EHMT1: variants seen among roughly 807,000 people sequenced by gnomAD.
EHMT1 encodes the protein euchromatic histone lysine methyltransferase 1.
In EHMT1, 15 loss-of-function variants were observed where a neutral mutation model predicts 147.2. The ratio of observed to expected loss-of-function variants is 0.10; its 90% CI spans 0.07 to 0.16. The LOEUF (loss-of-function observed/expected upper bound fraction) is 0.16. Ranked by LOEUF, EHMT1 falls within the 10% of genes least tolerant of loss-of-function variation. The pLI is 1.00. For synonymous variants in EHMT1, 795 were observed against 709.6 expected, an observed-to-expected ratio of 1.12 and a Z score of -1.91; for missense variants, 1,587 against 1,772.4, an observed-to-expected ratio of 0.90 and a Z score of 1.88.
intron 18 of EHMT1, chr9:137,802,718 C>G (rs113761469): frequency 1.4e-5 from 13 of 937,778 alleles, no homozygotes; most frequent in Non-Finnish European, 1.8e-5. Flanking sequence ...CACCCGCTGC[C>G]TCCCTGCAGG....
intron 18 of EHMT1, among the ~76,000 whole-genome samples, chr9:137,806,727 C>T (rs1381760479): frequency 6.6e-6 from 1 of 152,228 alleles, no homozygotes; most frequent in African/African-American, 2.4e-5. Flanking sequence ...GCCCCTGTGC[C>T]CAGCCCTCTT....
intron 1 of EHMT1, among the ~76,000 whole-genome samples, chr9:137,669,321 G>A (rs1261061046): frequency 3.8e-5 from 5 of 132,816 alleles, no homozygotes; most frequent in Non-Finnish European, 7.8e-5. Context: ...CTGGAAAGAC[G>A]CCCCCACAGC....
At chr9:137,809,935 G>A (rs1446162097) in intron 18 of EHMT1, among the ~76,000 whole-genome samples, 3 of 130,286 alleles carry the variant, frequency 2.3e-5, no homozygotes, top group South Asian at 4.4e-4. Context: ...TGATGGGTCC[G>A]GAGGTGGTTC....
intron 18 of EHMT1, among the ~76,000 whole-genome samples, chr9:137,804,018 TAACA>T (rs1180267818): frequency 1.3e-5 from 2 of 152,052 alleles, no homozygotes; most frequent in Non-Finnish European, 2.9e-5. Flanking sequence ...TCGGGAAACT[TAACA>T]ATCATGGCAG....
intron 1 of EHMT1, among the ~76,000 whole-genome samples, chr9:137,708,911 C>T (rs555071580): frequency 1.3e-5 from 2 of 152,362 alleles, no homozygotes; most frequent in South Asian, 4.1e-4. Context: ...TTCCACGCAG[C>T]CACTGTGCCT....
chr9:137,639,523 C>T (rs1328038960), intron 1 of EHMT1, among the ~76,000 whole-genome samples: 1 of 152,186 alleles, frequency 6.6e-6, no homozygotes, highest in Non-Finnish European at 1.5e-5. Context: ...GTTGTTACAT[C>T]TGCCTGGGTG....
intron 1 of EHMT1, among the ~76,000 whole-genome samples, chr9:137,700,907 G>A (rs1014314631): frequency 4.6e-5 from 7 of 152,192 alleles, no homozygotes; most frequent in Non-Finnish European, 2.9e-5. Flanking sequence ...AAGGAAAAGA[G>A]GTTTAATCGG....
rs1554847272 is a variant in EHMT1, at chr9:137,717,626, A to AAAAGAG, written c.642+444_642+445insAAAGAG. 2.8e-4 allele frequency among the ~76,000 whole-genome samples: 39 copies of AAAAGAG among 140,284 alleles called. 2 individuals carry two copies. Among genetic ancestry groups the AAAAGAG allele is most frequent in the African/African-American group, 3.3e-4 (12 of 36,530 alleles). The allele number at this position is 140,284 out of a possible 152,430, so 92.0% of individuals were successfully genotyped here. On this transcript the variant is annotated intron_variant, in intron 3 of 26. Transcript: ENST00000460843. ...GTCTCAAAAAAAAAAAAAAAAAAAA[A>AAAAGAG]GAGATGCTGCTAATGCCTTGTGCGT...
intron 1 of EHMT1, among the ~76,000 whole-genome samples, chr9:137,669,791 G>C (rs1001549886): frequency 2.0e-5 from 3 of 152,016 alleles, no homozygotes; most frequent in Non-Finnish European, 1.5e-5. Flanking sequence ...GGCCTTAAGT[G>C]ATCCTCCCAT....
chr9:137,699,859 T>C (rs1943695012), intron 1 of EHMT1, among the ~76,000 whole-genome samples: 1 of 152,150 alleles, frequency 6.6e-6, no homozygotes, highest in South Asian at 2.1e-4. Flanking sequence ...TAAAAATGAA[T>C]GAACAAGCAA....
chr9:137,705,595 G>A (rs1488376184), intron 1 of EHMT1, among the ~76,000 whole-genome samples: 1 of 152,244 alleles, frequency 6.6e-6, no homozygotes, highest in African/African-American at 2.4e-5. Flanking sequence ...TGCTCAGGTG[G>A]AAATGGACTG....
chr9:137,722,019 T>C (rs1946110390), intron 3 of EHMT1, among the ~76,000 whole-genome samples: 1 of 152,114 alleles, frequency 6.6e-6, no homozygotes, highest in African/African-American at 2.4e-5. Flanking sequence ...TTTAAATCTG[T>C]GATCCATTTT....
intron 1 of EHMT1, among the ~76,000 whole-genome samples, chr9:137,626,760 T>C (rs1843285470): frequency 6.6e-6 from 1 of 151,854 alleles, no homozygotes; most frequent in Non-Finnish European, 1.5e-5. Flanking sequence ...TGGCTGCTGC[T>C]GTTTTGTTGG....
At chr9:137,720,512 A>G (rs890146710) in intron 3 of EHMT1, among the ~76,000 whole-genome samples, 1 of 152,088 alleles carries the variant, frequency 6.6e-6, no homozygotes, top group African/African-American at 2.4e-5. Flanking sequence ...CTTGTTGGCC[A>G]GGCTGGTCTT....
rs1016239397 is a variant in EHMT1, at chr9:137,813,311, G to A, written c.3036-75G>A. 228 of 1,564,646 alleles carry A rather than the reference G, an allele frequency of 1.5e-4. No individual in the cohort carries two copies. The highest frequency in any genetic ancestry group is 5.6e-5 in the Admixed American group (3 of 53,818). On this transcript the variant is annotated intron_variant, in intron 20 of 26. Transcript: ENST00000460843. This position sits in a 1 kb window ranked among gnomAD's most constrained non-coding sequence, Gnocchi z 4.9. The stretch of plus-strand genomic sequence containing the variant: ...TGTCAGGGCCAGGTGTTTGCCAGCC[G>A]CCCCACTGCACGCTGTGCCACCCCC...
chr9:137,677,318 G>C (rs1162789484), intron 1 of EHMT1, among the ~76,000 whole-genome samples: 1 of 151,864 alleles, frequency 6.6e-6, no homozygotes, highest in Non-Finnish European at 1.5e-5. Flanking sequence ...TTTTCTTGTA[G>C]AGACGGGGGT....
intron 1 of EHMT1, among the ~76,000 whole-genome samples, chr9:137,631,307 G>A (rs534947232): frequency 1.3e-5 from 2 of 151,498 alleles, no homozygotes; most frequent in South Asian, 2.1e-4. Flanking sequence ...CAGGAGAATC[G>A]CTTGAACCCG....
At chr9:137,818,337 T>A (rs556618226) in intron 25 of EHMT1, among the ~76,000 whole-genome samples, 199 bp downstream of exon 25, 2 of 152,284 alleles carry the variant, frequency 1.3e-5, no homozygotes, top group South Asian at 4.1e-4. Flanking sequence ...GACCTCTGAC[T>A]TGGGAGGTCC....
intron 1 of EHMT1, chr9:137,641,545 C>G: frequency 6.1e-6 from 2 of 329,526 alleles, no homozygotes; most frequent in South Asian, 5.1e-5. Flanking sequence ...CTCATCTGCC[C>G]TGAAGAACGT....
Sources: allele counts gnomAD v4.1 joint callset (sites outside exome capture counted in the v4.1 genomes callset), GRCh38; gene constraint gnomAD v4.1.1; non-coding constraint Gnocchi (gnomAD v3.1); transcripts MANE v1.5; gene names NCBI Gene and HGNC (gene_info 2026-07-23, HGNC 2026-07-21).